Variants in SELP observed in about 807,000 individuals in gnomAD.
SELP encodes the protein P-selectin.
SELP carries 92 observed loss-of-function variants against 104.1 expected under a neutral mutation model. The ratio of observed to expected loss-of-function variants is 0.88; its 90% CI spans 0.75 to 1.05. SELP has a LOEUF of 1.05. Ranked by LOEUF, SELP falls within the 50% of genes least tolerant of loss-of-function variation. The pLI is 0.00. For synonymous variants in SELP, 397 were observed against 364.5 expected (o/e 1.09, Z -1.01); for missense variants, 1,022 against 1,017.3 (o/e 1.00, Z -0.06).
At chr1:169,593,565 A>G in intron 14 of SELP, 40 bp downstream of exon 14, 2 of 1,589,976 alleles carry the variant, frequency 1.3e-6, no homozygotes, top group East Asian at 2.2e-5. Flanking sequence ...CTTTTGATTT[A>G]TGTAACCAAG....
In SELP at chr1:169,596,007, G is replaced by A. The variant is rs766983020; in HGVS notation, c.2019C>T (p.Asn673=). The change falls in exon 12 of 17, where the codon AAC becomes AAT. Residue 673 remains asparagine, a synonymous_variant. Transcript: ENST00000263686. ...GFNTTCYFGC[N]AGFTLIGDST... is the part of the protein sequence containing the mutation. ...TGTCTCCTATGAGTGTGAATCCAGC[G>A]TTGCAGCCAAAGTAACAAGTGGTAT... is the stretch of plus-strand genomic sequence containing the variant. 10 of 1,613,778 alleles carry A rather than the reference G, an allele frequency of 6.2e-6. No homozygotes were observed. Among genetic ancestry groups the A allele is most frequent in the African/African-American group, 2.7e-5 (2 of 74,888 alleles).
intron 3 of SELP, 100 bp downstream of exon 3, chr1:169,616,928 C>A: frequency 7.7e-7 from 1 of 1,303,822 alleles, no homozygotes; most frequent in Non-Finnish European, 1.1e-6. Context: ...CATGTCCTGC[C>A]TTTGTATCTT....
intron 13 of SELP, 25 bp from the exon 14 acceptor site, chr1:169,593,749 CA>C: frequency 6.2e-7 from 1 of 1,612,190 alleles, no homozygotes; most frequent in Non-Finnish European, 8.5e-7. Flanking sequence ...CACACACATG[CA>C]AGACATAAGA....
intron 6 of SELP, 48 bp downstream of exon 6, chr1:169,612,169 A>G: frequency 6.4e-7 from 1 of 1,565,354 alleles, no homozygotes; most frequent in African/African-American, 1.4e-5. Flanking sequence ...GCACTAAGTA[A>G]GGACTGGGTG....
chr1:169,590,299 C>A, intron 15 of SELP, 97 bp from the exon 16 acceptor site: 1 of 867,854 alleles, frequency 1.2e-6, no homozygotes, highest in Non-Finnish European at 1.9e-6. Flanking sequence ...AAATTACCAT[C>A]CACCCTTGGA....
chr1:169,629,003 T>C (rs1179589688), intron 1 of SELP, among the ~76,000 whole-genome samples: 1 of 152,210 alleles, frequency 6.6e-6, no homozygotes, highest in Non-Finnish European at 1.5e-5. Context: ...TGCGGTACTT[T>C]TTTCTGGAGT....
At chr1:169,611,814 G>C in intron 6 of SELP, 137 bp from the exon 7 acceptor site, 2 of 823,176 alleles carry the variant, frequency 2.4e-6, no homozygotes, top group Non-Finnish European at 3.8e-6. Flanking sequence ...AATGATGTTT[G>C]TCCAGACTTG....
Position 169,588,909 on chromosome 1 carries a change from A to G in SELP, c.*554T>C, listed in dbSNP as rs1397266002. The stretch of plus-strand genomic sequence containing the variant: ...TTGGTCTTTGGGTCATTTGAGGGAC[A>G]GTGACTGGTGGCAGGAAGGTCCACG... On this transcript the variant is annotated 3_prime_UTR_variant, in exon 17 of 17. Coordinates refer to ENST00000263686, the MANE Select transcript of SELP (RefSeq NM_003005.4). The G allele has an allele frequency of 6.6e-6, 1 of 152,226 alleles. No homozygotes were observed. Among genetic ancestry groups the G allele is most frequent in the Non-Finnish European group, 1.5e-5 (1 of 68,052 alleles). The allele number at this position is 152,226 out of a possible 1,614,324, so 9.4% of individuals were successfully genotyped here.
chr1:169,618,526 A>C (rs1346419171), intron 2 of SELP, among the ~76,000 whole-genome samples: 1 of 152,190 alleles, frequency 6.6e-6, no homozygotes, highest in Non-Finnish European at 1.5e-5. Context: ...CAAAGCAAGC[A>C]ATCAGGCCTG....
intron 9 of SELP, 108 bp downstream of exon 9, chr1:169,606,841 C>A (rs1019552273): frequency 8.0e-6 from 8 of 999,960 alleles, no homozygotes; most frequent in Non-Finnish European, 1.2e-5. Flanking sequence ...TATGAATTTT[C>A]CAGTCCATTT....
chr1:169,621,136 A>AAT (rs1364031652), intron 1 of SELP, among the ~76,000 whole-genome samples: 1 of 59,772 alleles, frequency 1.7e-5, no homozygotes, highest in Non-Finnish European at 3.2e-5. Flanking sequence ...CCCAGTGATG[A>AAT]GATGTAGGGT....
intron 1 of SELP, among the ~76,000 whole-genome samples, chr1:169,620,709 G>A (rs907393417): frequency 7.3e-5 from 11 of 151,576 alleles, no homozygotes; most frequent in South Asian, 2.1e-4. Context: ...ATGATGTAGC[G>A]TGCATGGGAC....
chr1:169,606,498 A>G (rs1475571244), intron 9 of SELP, among the ~76,000 whole-genome samples: 1 of 152,220 alleles, frequency 6.6e-6, no homozygotes, highest in Non-Finnish European at 1.5e-5. Context: ...AGTGTTTGCA[A>G]CTGGGTACTT....
intron 10 of SELP, among the ~76,000 whole-genome samples, chr1:169,599,101 AT>A (rs1437158740): frequency 2.0e-5 from 3 of 152,160 alleles, no homozygotes; most frequent in African/African-American, 4.8e-5. Context: ...CATACTAAGA[AT>A]TTGGCTCTGG....
intron 1 of SELP, among the ~76,000 whole-genome samples, chr1:169,619,653 C>T (rs937746651): frequency 1.3e-5 from 2 of 152,160 alleles, no homozygotes; most frequent in African/African-American, 4.8e-5. Flanking sequence ...CTAACCTATA[C>T]TTTGAGGTGC....
At position 169,612,974 on chromosome 1, in the gene SELP, A is replaced by C; in HGVS notation, c.730T>G (p.Cys244Gly). 6.2e-7 allele frequency: 1 copy of C among 1,613,472 alleles called. No homozygotes were observed. Residue 244 changes from cysteine to glycine, a missense_variant, in exon 5 of 17, where the codon TGC becomes GGC. Transcript: ENST00000263686. ...YQVNGPSKLE[C>G]LASGIWTNKP... ...TTTGTCCAGATTCCAGAAGCCAAGC[A>C]TTCCAGCTTGCTGGGCCCATTTACT...
chr1:169,610,137 G>T (rs1336176488), intron 7 of SELP, among the ~76,000 whole-genome samples: 3 of 151,202 alleles, frequency 2.0e-5, no homozygotes, highest in African/African-American at 7.3e-5. Context: ...CTGTGAAATT[G>T]AACCTGAAAA....
In SELP at chr1:169,630,040, A is replaced by G. The variant is rs773724030; in HGVS notation, c.3+32T>C. On this transcript the variant is annotated intron_variant, in intron 1 of 16. Coordinates refer to ENST00000263686, the MANE Select transcript of SELP (RefSeq NM_003005.4). ...CTCCATACCACTCCAACTCACTTCAACCACTTCCCATGCAGAAAAAAATAA... is the reference window on the plus strand; with the variant it reads ...CTCCATACCACTCCAACTCACTTCAGCCACTTCCCATGCAGAAAAAAATAA... 21 of 1,613,964 alleles carry G rather than the reference A, an allele frequency of 1.3e-5. No homozygotes were observed. The East Asian group carries it at 4.2e-4, about 33-fold the overall frequency.
chr1:169,590,765 T>C (rs2101857163), intron 15 of SELP, among the ~76,000 whole-genome samples: 1 of 152,262 alleles, frequency 6.6e-6, no homozygotes, highest in Non-Finnish European at 1.5e-5. Context: ...AATAAAAAAA[T>C]ACCCTTGGGG....
Sources: gnomAD v4.1 joint callset for allele counts (sites outside exome capture counted in the v4.1 genomes callset) on GRCh38, gnomAD v4.1.1 for gene constraint, MANE v1.5 for transcripts, NCBI Gene and HGNC (gene_info 2026-07-23, HGNC 2026-07-21) for gene names.